The following CACNA2D1 variants were observed in gnomAD, a reference collection of about 807,000 sequenced individuals.
CACNA2D1 encodes calcium voltage-gated channel auxiliary subunit alpha2delta 1, also known as voltage-dependent calcium channel subunit alpha-2/delta-1.
In CACNA2D1, 53 loss-of-function variants were observed where a neutral mutation model predicts 171.5. The ratio of observed to expected loss-of-function variants is 0.31; its 90% confidence interval spans 0.25 to 0.39. The LOEUF (loss-of-function observed/expected upper bound fraction) is 0.39. Among genes scored for constraint, CACNA2D1 ranks in the 10% least tolerant of loss-of-function variants. The pLI, the probability that CACNA2D1 is intolerant of heterozygous loss-of-function variation, is 1.00. For synonymous variants in CACNA2D1, 442 were observed against 443.1 expected (o/e 1.00, Z 0.03); for missense variants, 903 against 1,299.8 (o/e 0.69, Z 4.69).
intron 4 of CACNA2D1, among the ~76,000 whole-genome samples, chr7:82,158,186 T>C (rs1006947576): frequency 1.3e-5 from 2 of 151,812 alleles, no homozygotes; most frequent in Non-Finnish European, 2.9e-5. Context: ...GTAAACTATA[T>C]ATATAATGTT....
chr7:82,435,375 G>A (rs937758482), intron 1 of CACNA2D1, among the ~76,000 whole-genome samples: 1 of 152,012 alleles, frequency 6.6e-6, no homozygotes, highest in Non-Finnish European at 1.5e-5. Context: ...ACATCTAAAA[G>A]ACACTGCAAA....
intron 38 of CACNA2D1, among the ~76,000 whole-genome samples, chr7:81,953,835 T>C (rs1694592456): frequency 6.6e-6 from 1 of 152,152 alleles, no homozygotes; most frequent in South Asian, 2.1e-4. Flanking sequence ...ACAAATGTGT[T>C]ATGGAAAGAA....
intron 4 of CACNA2D1, among the ~76,000 whole-genome samples, chr7:82,153,306 C>G (rs1227607531): frequency 2.6e-5 from 4 of 151,864 alleles, no homozygotes; most frequent in Non-Finnish European, 5.9e-5. Context: ...ATAAAAAAAT[C>G]TGGACACTAA....
At chr7:82,065,866 A>G (rs1166080799) in intron 8 of CACNA2D1, among the ~76,000 whole-genome samples, 10 of 152,316 alleles carry the variant, frequency 6.6e-5, no homozygotes, top group East Asian at 3.9e-4. Flanking sequence ...ATACATTTTT[A>G]AAAAGCAAAT....
At chr7:82,043,728 C>T (rs976787218) in intron 10 of CACNA2D1, among the ~76,000 whole-genome samples, 1 of 152,128 alleles carries the variant, frequency 6.6e-6, no homozygotes, top group African/African-American at 2.4e-5. Context: ...TAAAATATTT[C>T]TGAGAAGAGG....
At chr7:82,155,354 G>A (rs529208694) in intron 4 of CACNA2D1, among the ~76,000 whole-genome samples, 13 of 152,200 alleles carry the variant, frequency 8.5e-5, no homozygotes, top group African/African-American at 3.1e-4. Flanking sequence ...GGAAACTGAT[G>A]TTCAGGTAGG....
chr7:82,111,448 T>A (rs201922833), intron 6 of CACNA2D1, among the ~76,000 whole-genome samples: 35,042 of 85,058 alleles, frequency 0.41, 7,786 homozygotes, highest in Admixed American at 0.43. Flanking sequence ...ATATATATTT[T>A]TTTTTTTTTT....
At chr7:82,103,455 C>T (rs1021795191) in intron 6 of CACNA2D1, among the ~76,000 whole-genome samples, 3 of 152,096 alleles carry the variant, frequency 2.0e-5, no homozygotes, top group Non-Finnish European at 2.9e-5. Flanking sequence ...TATTATAACA[C>T]TGTGGTTATG....
At chr7:82,053,319 TAAC>T (rs1357066375) in intron 10 of CACNA2D1, among the ~76,000 whole-genome samples, 2 of 150,206 alleles carry the variant, frequency 1.3e-5, no homozygotes, top group Non-Finnish European at 3.0e-5. Flanking sequence ...AATGCACAAA[TAAC>T]AAAAATAATG....
intron 7 of CACNA2D1, among the ~76,000 whole-genome samples, chr7:82,073,611 T>C (rs1421880122): frequency 1.3e-5 from 2 of 152,150 alleles, no homozygotes; most frequent in Non-Finnish European, 1.5e-5. Flanking sequence ...TTTATTTTAA[T>C]TTTTTTGAGA....
At chr7:82,012,292 G>T in intron 14 of CACNA2D1, 49 bp from the exon 15 acceptor site, 1 of 964,568 alleles carries the variant, frequency 1.0e-6, no homozygotes. Context: ...TAGGAATGCT[G>T]TGTTGAAATA....
At chr7:82,145,191 T>C (rs1792836569) in intron 4 of CACNA2D1, among the ~76,000 whole-genome samples, 1 of 148,552 alleles carries the variant, frequency 6.7e-6, no homozygotes, top group Non-Finnish European at 1.5e-5. Flanking sequence ...AATGCAGACA[T>C]GACCTACATC....
At chr7:82,247,826 A>G (rs1805114806) in intron 3 of CACNA2D1, among the ~76,000 whole-genome samples, 1 of 152,232 alleles carries the variant, frequency 6.6e-6, no homozygotes, top group Admixed American at 6.5e-5. Context: ...ATACTGTACC[A>G]CAAACAAATG....
chr7:82,308,491 A>G (rs1343543264), intron 3 of CACNA2D1, among the ~76,000 whole-genome samples: 2 of 152,166 alleles, frequency 1.3e-5, no homozygotes, highest in East Asian at 3.9e-4. Flanking sequence ...TGAATTCGGT[A>G]ATCTAGTTAA....
intron 6 of CACNA2D1, among the ~76,000 whole-genome samples, chr7:82,092,749 A>G (rs1277674560): frequency 6.6e-6 from 1 of 151,792 alleles, no homozygotes; most frequent in East Asian, 1.9e-4. Flanking sequence ...GAGTAAATAA[A>G]TTGTTAAATT....
At chr7:82,309,507 G>T (rs989402479) in intron 3 of CACNA2D1, among the ~76,000 whole-genome samples, 5 of 152,090 alleles carry the variant, frequency 3.3e-5, no homozygotes, top group Admixed American at 1.3e-4. Context: ...GGTAATTTAA[G>T]GTGTCTGAGC....
intron 3 of CACNA2D1, among the ~76,000 whole-genome samples, chr7:82,213,033 T>C (rs978051698): frequency 1.3e-5 from 2 of 151,158 alleles, no homozygotes; most frequent in African/African-American, 4.8e-5. Flanking sequence ...CCTGGGTAGC[T>C]GGGATTACTG....
chr7:82,348,414 G>A (rs749458225), intron 2 of CACNA2D1, among the ~76,000 whole-genome samples: 23 of 152,036 alleles, frequency 1.5e-4, no homozygotes, highest in Non-Finnish European at 3.2e-4. Context: ...CTGAGGAGAG[G>A]AATACTGTTT....
At chr7:82,288,143 A>C (rs777048786) in intron 3 of CACNA2D1, among the ~76,000 whole-genome samples, 1 of 151,902 alleles carries the variant, frequency 6.6e-6, no homozygotes, top group East Asian at 1.9e-4. Flanking sequence ...CCCGGCCCCA[A>C]GTTTTTTATA....
Sources: allele counts gnomAD v4.1 joint callset (sites outside exome capture counted in the v4.1 genomes callset), GRCh38; gene constraint gnomAD v4.1.1; transcripts MANE v1.5; gene names NCBI Gene and HGNC (gene_info 2026-07-23, HGNC 2026-07-21).